The following ADAMTSL1 variants were observed in gnomAD, a reference collection of about 807,000 sequenced individuals.
ADAMTSL1 encodes ADAMTS-like protein 1.
Under a neutral mutation model 201.8 loss-of-function variants are expected in ADAMTSL1, and 126 were observed. The ratio of observed to expected loss-of-function variants is 0.62; its 90% confidence interval spans 0.54 to 0.72. The LOEUF is 0.72. ADAMTSL1 is among the 30% of genes least tolerant of loss of function. The pLI is 0.00. For missense variants in ADAMTSL1, 2,679 were observed against 2,277.8 expected, an observed-to-expected ratio of 1.18 and a Z score of -3.59; for synonymous variants, 1,121 against 903.4, an observed-to-expected ratio of 1.24 and a Z score of -4.32.
intron 19 of ADAMTSL1, among the ~76,000 whole-genome samples, chr9:18,788,216 C>T (rs1053682403): frequency 3.9e-5 from 6 of 152,160 alleles, no homozygotes; most frequent in Admixed American, 6.5e-5. Context: ...CCTTGCAAGC[C>T]TCTGGGCTAC....
chr9:18,204,452 A>G (rs556486006), intron 2 of ADAMTSL1, among the ~76,000 whole-genome samples: 1 of 152,188 alleles, frequency 6.6e-6, no homozygotes, highest in South Asian at 2.1e-4. Flanking sequence ...CTGTGAGTCT[A>G]TTAAAGCTCT....
chr9:17,913,021 CTCTGT>C (rs924724991), intron 1 of ADAMTSL1, among the ~76,000 whole-genome samples: 4 of 152,094 alleles, frequency 2.6e-5, no homozygotes, highest in Non-Finnish European at 4.4e-5. Flanking sequence ...TTTCTGAGGG[CTCTGT>C]TCTGTTCTGT....
chr9:18,424,946 C>T (rs548490713), intron 2 of ADAMTSL1, among the ~76,000 whole-genome samples: 1 of 152,198 alleles, frequency 6.6e-6, no homozygotes, highest in African/African-American at 2.4e-5. Flanking sequence ...ACATATCCAC[C>T]CAGAAAGTGT....
At position 18,006,275 on chromosome 9, in the gene ADAMTSL1, G is replaced by C. The variant is rs115743294; in HGVS notation, c.87+99353G>C. 8.0e-3 allele frequency among the ~76,000 whole-genome samples: 1,210 copies of C among 151,978 alleles called. 17 individuals carry two copies. The highest frequency in any genetic ancestry group is 0.028 in the African/African-American group (1,165 of 41,502). On this transcript the variant is annotated intron_variant, in intron 1 of 29. Coordinates refer to the ADAMTSL1 transcript ENST00000680146. Reference sequence around the variant, plus strand: ...GCATAGAAACATAGTAAAATAATTAGGACATTCTGTTTTGAGTACTTATTA... The same window carrying C: ...GCATAGAAACATAGTAAAATAATTACGACATTCTGTTTTGAGTACTTATTA...
intron 1 of ADAMTSL1, among the ~76,000 whole-genome samples, chr9:18,163,339 C>T (rs1477989764): frequency 6.6e-6 from 1 of 152,018 alleles, no homozygotes; most frequent in South Asian, 2.1e-4. Context: ...TGAAAGTTCT[C>T]CAATACCTCC....
chr9:18,353,700 A>C (rs1836079893), intron 2 of ADAMTSL1, among the ~76,000 whole-genome samples: 1 of 152,202 alleles, frequency 6.6e-6, no homozygotes, highest in Admixed American at 6.5e-5. Flanking sequence ...CCACCAGGGC[A>C]CAATGGAAAG....
chr9:18,664,857 A>T (rs552067453), intron 9 of ADAMTSL1, among the ~76,000 whole-genome samples: 1 of 152,164 alleles, frequency 6.6e-6, no homozygotes, highest in Non-Finnish European at 1.5e-5. Flanking sequence ...TGGTTTTCAA[A>T]CTGTGCCCAC....
intron 1 of ADAMTSL1, among the ~76,000 whole-genome samples, chr9:18,099,342 TATATATATATA>T (rs1293443784): frequency 8.3e-5 from 4 of 47,906 alleles, no homozygotes; most frequent in African/African-American, 3.0e-4. Flanking sequence ...TATATATATA[TATATATATATA>T]TATTTTTTTT....
intron 1 of ADAMTSL1, among the ~76,000 whole-genome samples, chr9:18,102,283 ATTTAT>A (rs2131851603): frequency 6.6e-6 from 1 of 152,092 alleles, no homozygotes; most frequent in South Asian, 2.1e-4. Flanking sequence ...TTTTTTAGCC[ATTTAT>A]TTTATTTATA....
intron 1 of ADAMTSL1, among the ~76,000 whole-genome samples, chr9:18,478,576 C>CATG (rs1215008479): frequency 6.6e-6 from 1 of 152,034 alleles, no homozygotes; most frequent in Non-Finnish European, 1.5e-5. Context: ...GCTTTTAATT[C>CATG]ATGTATCTTC....
chr9:18,082,338 T>C (rs1325269266), intron 1 of ADAMTSL1, among the ~76,000 whole-genome samples: 1 of 152,166 alleles, frequency 6.6e-6, no homozygotes, highest in Non-Finnish European at 1.5e-5. Flanking sequence ...GACCATTTTT[T>C]CACTCTTGTC....
chr9:18,086,164 T>A (rs758522355), intron 1 of ADAMTSL1, among the ~76,000 whole-genome samples: 2 of 152,144 alleles, frequency 1.3e-5, no homozygotes, highest in African/African-American at 2.4e-5. Flanking sequence ...GAAGTGCCTA[T>A]TGGTCATTTA....
At chr9:18,450,142 T>C (rs1003286658) in intron 2 of ADAMTSL1, among the ~76,000 whole-genome samples, 3 of 151,962 alleles carry the variant, frequency 2.0e-5, no homozygotes, top group Non-Finnish European at 4.4e-5. Context: ...AACTAGTAAA[T>C]AGGTAACGAA....
At chr9:18,808,717 G>T (rs1041957201) in intron 20 of ADAMTSL1, among the ~76,000 whole-genome samples, 1 of 152,222 alleles carries the variant, frequency 6.6e-6, no homozygotes, top group Non-Finnish European at 1.5e-5. Flanking sequence ...TAGCAGGACA[G>T]ATTATATTTT....
At chr9:18,683,726 G>T (rs1310799288) in intron 12 of ADAMTSL1, among the ~76,000 whole-genome samples, 5 of 152,128 alleles carry the variant, frequency 3.3e-5, no homozygotes, top group African/African-American at 1.2e-4. Context: ...ATAGTCAATT[G>T]TTTATTAGCT....
chr9:18,339,645 G>A lies in ADAMTSL1; in HGVS notation c.208-165184G>A, dbSNP rs530033262. On this transcript the variant is annotated intron_variant, in intron 2 of 29. Coordinates refer to the ADAMTSL1 transcript ENST00000680146. ...ATATTTTTTAACTTTTTTTACAGATGGGATCTCACTTTGTTGCCCAGGTCA... is the reference window on the plus strand; with the variant it reads ...ATATTTTTTAACTTTTTTTACAGATAGGATCTCACTTTGTTGCCCAGGTCA... Among the ~76,000 whole-genome samples, 3 of 152,084 alleles carry A rather than the reference G, an allele frequency of 2.0e-5. No individual in the cohort carries two copies. In the South Asian group the frequency reaches 6.2e-4, roughly 32 times the overall value.
At chr9:18,382,390 T>A (rs759551078) in intron 2 of ADAMTSL1, among the ~76,000 whole-genome samples, 17 of 152,150 alleles carry the variant, frequency 1.1e-4, no homozygotes, top group Non-Finnish European at 2.5e-4. Flanking sequence ...CTTGGAAATT[T>A]TAATTTTTCC....
At chr9:17,998,736 G>A (rs946024621) in intron 1 of ADAMTSL1, among the ~76,000 whole-genome samples, 3 of 152,020 alleles carry the variant, frequency 2.0e-5, no homozygotes, top group African/African-American at 7.2e-5. Flanking sequence ...TGAATTTCCT[G>A]TCTAGGAGGT....
intron 4 of ADAMTSL1, among the ~76,000 whole-genome samples, chr9:18,604,488 T>A (rs1454994996): frequency 6.6e-6 from 1 of 152,214 alleles, no homozygotes. Flanking sequence ...CTATTTGGGG[T>A]GCCTAGTATA....
Sources: allele counts gnomAD v4.1 joint callset (sites outside exome capture counted in the v4.1 genomes callset), GRCh38; gene constraint gnomAD v4.1.1; transcripts MANE v1.5; gene names NCBI Gene and HGNC (gene_info 2026-07-23, HGNC 2026-07-21).